Variants in FMR1NB observed in about 807,000 individuals in gnomAD.
FMR1NB encodes FMR1 neighbor protein.
Under a neutral mutation model 16.8 loss-of-function variants are expected in FMR1NB, and 10 were observed. The ratio of observed to expected loss-of-function variants is 0.60; its 90% CI spans 0.37 to 1.01. The LOEUF (loss-of-function observed/expected upper bound fraction) is 1.01, where lower values mean the gene tolerates loss of function less well. Ranked by LOEUF, FMR1NB falls within the 50% of genes least tolerant of loss-of-function variation. The pLI is 0.01. For missense variants in FMR1NB, 205 were observed against 204.8 expected (o/e 1.00, Z 0.00); for synonymous variants, 83 against 79.1 (o/e 1.05, Z -0.26).
chrX:148,008,726 A>G lies in FMR1NB; in HGVS notation c.632+15A>G. ...TTCTGGAGGAGGTAGGTGAACATAA[A>G]CTTTTATTTGCTCGTTGCTAAGTAT... On this transcript the variant is annotated intron_variant, in intron 4 of 5. Coordinates refer to ENST00000370467, the MANE Select transcript of FMR1NB (RefSeq NM_152578.3). 8.4e-7 allele frequency: 1 copy of G among 1,186,648 alleles called. No individual in the cohort carries two copies. The highest frequency in any genetic ancestry group is 1.1e-6 in the Non-Finnish European group (1 of 873,293).
At chrX:147,997,813 C>G (rs1166925036) in intron 1 of FMR1NB, among the ~76,000 whole-genome samples, 7 of 111,360 alleles carry the variant, frequency 6.3e-5, no homozygotes, top group East Asian at 2.8e-4. Flanking sequence ...AGACACTTCT[C>G]AAAAGAAGAC....
chrX:147,995,394 A>T (rs782743505), intron 1 of FMR1NB, among the ~76,000 whole-genome samples: 21 of 112,311 alleles, frequency 1.9e-4, no homozygotes, highest in Admixed American at 6.6e-4. Context: ...ATTTAATGGT[A>T]CTGACAGGAA....
At chrX:148,007,435 G>A (rs1209512143) in intron 3 of FMR1NB, among the ~76,000 whole-genome samples, 3 of 111,363 alleles carry the variant, frequency 2.7e-5, no homozygotes, top group African/African-American at 9.8e-5. Context: ...GACTACAGAC[G>A]TGCACCAGCA....
intron 4 of FMR1NB, among the ~76,000 whole-genome samples, chrX:148,018,697 G>A (rs1421899486): frequency 2.7e-5 from 3 of 110,471 alleles, no homozygotes; most frequent in African/African-American, 6.6e-5. Context: ...AGACTTAAAC[G>A]TTAGACCTAA....
rs191234162 is a variant in FMR1NB, at chrX:148,000,986, C to T, written c.278-2215C>T. Among the ~76,000 whole-genome samples the T allele has an allele frequency of 1.6e-3, 179 of 111,771 alleles. 1 individual carries two copies. Among genetic ancestry groups the T allele is most frequent in the Admixed American group, 5.0e-3 (52 of 10,495 alleles). ...GTCTATCTGGAATGAAACTGAAGAA[C>T]AATGAGAACTAACGAGAGTTAACTA... On this transcript the variant is annotated intron_variant, in intron 1 of 5. Transcript: ENST00000370467.
At chrX:148,006,033 C>T (rs1750963387) in intron 2 of FMR1NB, among the ~76,000 whole-genome samples, 1 of 111,558 alleles carries the variant, frequency 9.0e-6, no homozygotes, top group Non-Finnish European at 1.9e-5. Context: ...ATTTGTTTCT[C>T]TTATAAAGCA....
At chrX:148,012,825 C>T (rs1557189753) in intron 4 of FMR1NB, among the ~76,000 whole-genome samples, 1 of 111,840 alleles carries the variant, frequency 8.9e-6, no homozygotes, top group Non-Finnish European at 1.9e-5. Context: ...AAAAAATAGA[C>T]ATTTACATTT....
At chrX:148,022,725 G>GTTCAGCC (rs1557190695) in intron 4 of FMR1NB, among the ~76,000 whole-genome samples, 27 of 111,553 alleles carry the variant, frequency 2.4e-4, no homozygotes, top group African/African-American at 7.5e-4. Flanking sequence ...AGTTAGTGAT[G>GTTCAGCC]AGGCTGAACA....
At chrX:148,003,099 A>G in intron 1 of FMR1NB, 102 bp from the exon 2 acceptor site, 1 of 836,371 alleles carries the variant, frequency 1.2e-6, no homozygotes. Flanking sequence ...TAGCTATTTG[A>G]CATTCTATAA....
chrX:147,996,634 T>A (rs1210982721), intron 1 of FMR1NB, among the ~76,000 whole-genome samples: 1 of 111,090 alleles, frequency 9.0e-6, no homozygotes, highest in Non-Finnish European at 1.9e-5. Flanking sequence ...AAATACAAGA[T>A]CTCTCATTTA....
intron 4 of FMR1NB, among the ~76,000 whole-genome samples, chrX:148,012,188 A>G (rs920976309): frequency 3.8e-4 from 19 of 49,454 alleles, no homozygotes; most frequent in African/African-American, 1.5e-3. Flanking sequence ...GGGAAGAGAA[A>G]AAGGGAGGTG....
chrX:147,989,340 C>T (rs1216067058), intron 1 of FMR1NB, among the ~76,000 whole-genome samples: 1 of 112,144 alleles, frequency 8.9e-6, no homozygotes, highest in East Asian at 2.8e-4. Flanking sequence ...GGCTGCAGAA[C>T]AGCAAAGATT....
intron 1 of FMR1NB, among the ~76,000 whole-genome samples, chrX:148,001,627 G>A (rs1185909966): frequency 9.1e-6 from 1 of 110,473 alleles, no homozygotes; most frequent in Non-Finnish European, 1.9e-5. Context: ...GTGCATGCCT[G>A]TAATCTCAGC....
chrX:148,011,263 CA>C (rs1264352470), intron 4 of FMR1NB, among the ~76,000 whole-genome samples: 23 of 98,530 alleles, frequency 2.3e-4, no homozygotes, highest in African/African-American at 9.2e-4. Context: ...GACTCCATCT[CA>C]AAAAAAACAA....
chrX:148,017,110 G>A (rs1443664690), intron 4 of FMR1NB, among the ~76,000 whole-genome samples: 2 of 110,772 alleles, frequency 1.8e-5, no homozygotes, highest in Non-Finnish European at 3.8e-5. Flanking sequence ...ATGTCTGAAG[G>A]ATATTTTCGT....
At chrX:147,998,380 C>T (rs2044553249) in intron 1 of FMR1NB, among the ~76,000 whole-genome samples, 1 of 103,940 alleles carries the variant, frequency 9.6e-6, no homozygotes, top group Non-Finnish European at 1.9e-5. Context: ...CGCATGTTCT[C>T]ACACATAAGT....
chrX:148,007,047 T>C (rs1324368998), intron 3 of FMR1NB, among the ~76,000 whole-genome samples: 2 of 111,796 alleles, frequency 1.8e-5, no homozygotes, highest in African/African-American at 3.3e-5. Flanking sequence ...ACTTTGGTAA[T>C]ACAAAAATTA....
chrX:148,017,382 C>T (rs2044654904), intron 4 of FMR1NB, among the ~76,000 whole-genome samples: 1 of 110,371 alleles, frequency 9.1e-6, no homozygotes, highest in South Asian at 3.9e-4. Flanking sequence ...TATTCTATAA[C>T]CTTCTTGTAC....
rs782598084 is a variant in FMR1NB, at chrX:148,003,314, C to A, written c.391C>A (p.Pro131Thr). Residue 131 changes from proline (P) to threonine (T), a missense_variant, in exon 2 of 6, where the codon CCA (proline) becomes ACA (threonine). Pro to Thr is a conservative substitution (Grantham distance 38). Coordinates refer to ENST00000370467, the MANE Select transcript of FMR1NB (RefSeq NM_152578.3). ...GGAAGCTTTGCTGAATTTTTTCTTTCCAACAAGTAAGTTCTTGTTTGATTT... is the reference window on the plus strand; with the variant it reads ...GGAAGCTTTGCTGAATTTTTTCTTTACAACAAGTAAGTTCTTGTTTGATTT... ...ALEALLNFFF[P>T]TTCNLRENQV... 22 of 1,209,483 alleles carry A rather than the reference C, an allele frequency of 1.8e-5. No homozygotes were observed. Among genetic ancestry groups the A allele is most frequent in the Non-Finnish European group, 2.5e-5 (22 of 894,399 alleles).
Sources: allele counts gnomAD v4.1 joint callset (sites outside exome capture counted in the v4.1 genomes callset), GRCh38; gene constraint gnomAD v4.1.1; transcripts MANE v1.5; gene names NCBI Gene and HGNC (gene_info 2026-07-23, HGNC 2026-07-21).